CCDC14: variants seen among roughly 807,000 people sequenced by gnomAD.
CCDC14 encodes coiled-coil domain-containing protein 14.
A neutral mutation model predicts 81.4 loss-of-function variants in CCDC14; 71 were observed. The ratio of observed to expected loss-of-function variants is 0.87; its 90% confidence interval spans 0.72 to 1.06. CCDC14 has a LOEUF of 1.06. Ranked by LOEUF, CCDC14 falls within the 50% of genes least tolerant of loss-of-function variation. The pLI is 0.00. For synonymous variants in CCDC14, 332 were observed against 364.8 expected (o/e 0.91, Z 1.03); for missense variants, 1,046 against 1,047.3 (o/e 1.00, Z 0.02).
chr3:123,900,405 A>ATTCC (rs2034156011), intron 5 of CCDC14, among the ~76,000 whole-genome samples: 1 of 152,212 alleles, frequency 6.6e-6, no homozygotes, highest in African/African-American at 2.4e-5. Context: ...AACATTCCAG[A>ATTCC]TTCCTTTTCT....
At chr3:123,886,360 T>C in the CCDC14 span, among the ~76,000 whole-genome samples, 3 of 137,816 alleles carry the variant, frequency 2.2e-5, no homozygotes, top group South Asian at 2.3e-4. Context: ...TTCTTTCTTT[T>C]TTTCTTTCTT....
At position 123,914,340 on chromosome 3, in the gene CCDC14, T is replaced by C. The variant is rs1321717734; in HGVS notation, c.*439A>G. The C allele has an allele frequency of 1.0e-6, 1 of 984,304 alleles. No homozygotes were observed. Among genetic ancestry groups the C allele is most frequent in the Non-Finnish European group, 1.2e-6 (1 of 829,534 alleles). 61.0% of individuals were successfully genotyped at this position (984,304 alleles called of 1,614,324 possible). On this transcript the variant is annotated 3_prime_UTR_variant, in exon 13 of 13. Coordinates refer to ENST00000409697, the MANE Select transcript of CCDC14 (RefSeq NM_001366335.1). ...GGCCTGTGGCACACAGCATGTTTAATAAAAACACATTGCTATTAAAAAAAA... is the reference window on the plus strand; with the variant it reads ...GGCCTGTGGCACACAGCATGTTTAACAAAAACACATTGCTATTAAAAAAAA...
chr3:123,894,459 G>C (rs561189023), downstream of CCDC14, among the ~76,000 whole-genome samples: 1 of 152,212 alleles, frequency 6.6e-6, no homozygotes, highest in Non-Finnish European at 1.5e-5. Context: ...GGTTCCATAT[G>C]GGTTTTAGAA....
intron 9 of CCDC14, among the ~76,000 whole-genome samples, chr3:123,936,757 G>A (rs1369485193): frequency 6.6e-6 from 1 of 152,008 alleles, no homozygotes; most frequent in Non-Finnish European, 1.5e-5. Flanking sequence ...CTTAATACCT[G>A]GGTGATGTAA....
intron 5 of CCDC14, among the ~76,000 whole-genome samples, chr3:123,950,471 G>A (rs2036940989): frequency 6.6e-6 from 1 of 152,172 alleles, no homozygotes; most frequent in African/African-American, 2.4e-5. Flanking sequence ...ACAAAGTACT[G>A]ATATATACAA....
intron 12 of CCDC14, among the ~76,000 whole-genome samples, chr3:123,926,235 A>G (rs148117269): frequency 3.9e-5 from 6 of 152,272 alleles, no homozygotes; most frequent in African/African-American, 1.4e-4. Flanking sequence ...TAAACAGAAT[A>G]TGACTCACCA....
chr3:123,929,280 T>C (rs1247151585), intron 12 of CCDC14, among the ~76,000 whole-genome samples: 1 of 152,082 alleles, frequency 6.6e-6, no homozygotes, highest in Non-Finnish European at 1.5e-5. Flanking sequence ...TTTTACAAAA[T>C]AACAGTTTAT....
chr3:123,921,152 T>C (rs139687352), intron 12 of CCDC14, among the ~76,000 whole-genome samples: 6 of 152,044 alleles, frequency 3.9e-5, no homozygotes, highest in Non-Finnish European at 5.9e-5. Flanking sequence ...TACAAAACAA[T>C]TACAAAATAA....
chr3:123,959,484 G>T (rs1014603352), intron 1 of CCDC14, among the ~76,000 whole-genome samples: 1 of 152,004 alleles, frequency 6.6e-6, no homozygotes, highest in Non-Finnish European at 1.5e-5. Context: ...GTTATGTGTT[G>T]TTCTGCTTTT....
intron 8 of CCDC14, among the ~76,000 whole-genome samples, chr3:123,946,245 T>C (rs950182541): frequency 2.0e-5 from 3 of 151,904 alleles, no homozygotes; most frequent in African/African-American, 7.3e-5. Context: ...AAGCCATTAC[T>C]ATAGAATACA....
chr3:123,947,400 AAT>A (rs1322482382), intron 7 of CCDC14, 81 bp from the exon 8 acceptor site: 1 of 884,444 alleles, frequency 1.1e-6, no homozygotes, highest in African/African-American at 1.7e-5. Flanking sequence ...AAATATATGA[AAT>A]ATATTTATTA....
rs1393845641 is a variant in CCDC14 at position 123,949,144 on chromosome 3, G to A, written c.353-12C>T. On this transcript the variant is annotated splice_polypyrimidine_tract_variant and intron_variant, in intron 5 of 12. Coordinates refer to ENST00000409697, the MANE Select transcript of CCDC14 (RefSeq NM_001366335.1). ...ATTATCTGAAGATGCTAATGTGGAA[G>A]AAGAAAAAAGTTCTTGAAATATGAT... is the stretch of plus-strand genomic sequence containing the variant. 6 of 1,493,528 alleles carry A rather than the reference G, an allele frequency of 4.0e-6. No homozygotes were observed. The Admixed American group carries it at 1.0e-4, about 25-fold the overall frequency. 92.5% of individuals were successfully genotyped at this position (1,493,528 alleles called of 1,614,324 possible).
intron 9 of CCDC14, among the ~76,000 whole-genome samples, chr3:123,944,483 G>A (rs1204143122): frequency 2.0e-5 from 3 of 152,114 alleles, no homozygotes; most frequent in African/African-American, 7.2e-5. Context: ...AGCCACCAAT[G>A]ATCCATGTTA....
At chr3:123,954,580 A>G (rs138772755) in intron 5 of CCDC14, 39 of 152,254 alleles carry the variant, frequency 2.6e-4, no homozygotes, top group Admixed American at 5.2e-4. Context: ...AAATATTAAC[A>G]TTTCAGTGTA....
Position 123,914,379 on chromosome 3 carries a change from G to GAA in CCDC14, c.*398_*399dup, listed in dbSNP as rs1332545394. The GAA allele has an allele frequency of 3.3e-6, 3 of 914,194 alleles. No homozygotes were observed. The highest frequency in any genetic ancestry group is 3.9e-6 in the Non-Finnish European group (3 of 769,830). 56.6% of individuals were successfully genotyped at this position (914,194 alleles called of 1,614,324 possible). On this transcript the variant is annotated 3_prime_UTR_variant, in exon 13 of 13. Transcript: ENST00000409697. ...TATTAAAAAAAAGTATATGTAAACAGAAAAAAAAAACCCTCTAGTTTCAAC... is the reference window on the plus strand; with the variant it reads ...TATTAAAAAAAAGTATATGTAAACAGAAAAAAAAAAAACCCTCTAGTTTCAAC...
intron 5 of CCDC14, among the ~76,000 whole-genome samples, chr3:123,908,294 G>C (rs1029417364): frequency 6.6e-6 from 1 of 152,144 alleles, no homozygotes; most frequent in Non-Finnish European, 1.5e-5. Flanking sequence ...ATGAGTCTTT[G>C]AGATCGTATC....
chr3:123,932,316 C>G (rs2035784560), intron 10 of CCDC14, among the ~76,000 whole-genome samples: 1 of 152,190 alleles, frequency 6.6e-6, no homozygotes, highest in South Asian at 2.1e-4. Context: ...TAGGCCTCCT[C>G]TCTCCTACCC....
At position 123,948,907 on chromosome 3, in the gene CCDC14, G is replaced by A. The variant is rs201932320; in HGVS notation, c.578C>T (p.Pro193Leu). The change falls in exon 6 of 13, where the codon CCC becomes CTC. Residue 193 changes from proline (P) to leucine (L), a missense_variant. By Grantham distance (98) the Pro-to-Leu change is moderately conservative (BLOSUM62 -3). Transcript: ENST00000409697. Reference protein sequence around the residue: ...NGIPAVPCHAPSHSESQATPH... With the variant: ...NGIPAVPCHALSHSESQATPH... ...GCATTCGTACTCACCAGAATGAGAG[G>A]GAGCATGGCATGGTACAGCAGGAAT... The A allele has an allele frequency of 2.0e-5, 33 of 1,612,802 alleles. No homozygotes were observed. The Admixed American group carries it at 5.0e-4, about 24-fold the overall frequency.
At chr3:123,927,935 T>A (rs2035464530) in intron 12 of CCDC14, among the ~76,000 whole-genome samples, 1 of 152,174 alleles carries the variant, frequency 6.6e-6, no homozygotes, top group Non-Finnish European at 1.5e-5. Context: ...TAATGGAGCA[T>A]CTTTATTCAG....
Sources: allele counts gnomAD v4.1 joint callset (sites outside exome capture counted in the v4.1 genomes callset), GRCh38; gene constraint gnomAD v4.1.1; transcripts MANE v1.5; gene names NCBI Gene and HGNC (gene_info 2026-07-23, HGNC 2026-07-21).